Variants in MDM4 observed in about 807,000 individuals in gnomAD.
MDM4 encodes MDM4 regulator of p53.
In MDM4, 2 loss-of-function variants were observed where a neutral mutation model predicts 60.2. That is an observed-to-expected ratio of 0.03 (90% CI 0.01 to 0.10). The LOEUF (loss-of-function observed/expected upper bound fraction) is 0.10, where lower values mean the gene tolerates loss of function less well. Ranked by LOEUF, MDM4 falls within the 10% of genes least tolerant of loss-of-function variation. MDM4 has a pLI of 1.00. For missense variants in MDM4, 447 were observed against 577.5 expected (o/e 0.77, Z 2.32); for synonymous variants, 202 against 198.1 (o/e 1.02, Z -0.17).
chr1:204,533,980 C>T (rs1031780897), intron 5 of MDM4, among the ~76,000 whole-genome samples: 1 of 151,828 alleles, frequency 6.6e-6, no homozygotes, highest in Non-Finnish European at 1.5e-5. Context: ...GAAATGGGGT[C>T]TTGCTTTGTT....
intron 3 of MDM4, among the ~76,000 whole-genome samples, chr1:204,528,238 G>A (rs1660444276): frequency 6.6e-6 from 1 of 152,190 alleles, no homozygotes; most frequent in Non-Finnish European, 1.5e-5. Flanking sequence ...AGGCAAGTGA[G>A]GGATCCCAGC....
chr1:204,542,992 T>TTACCCTTTCA, intron 8 of MDM4, 48 bp downstream of exon 8: 1 of 1,490,522 alleles, frequency 6.7e-7, no homozygotes, highest in Non-Finnish European at 9.3e-7. Context: ...TTTGAAAGGG[T>TTACCCTTTCA]AACATTCTTG....
chr1:204,537,349 G>C, intron 5 of MDM4, 81 bp from the exon 6 acceptor site: 1 of 1,033,596 alleles, frequency 9.7e-7, no homozygotes, highest in Admixed American at 1.7e-5. Flanking sequence ...TGGCTCCCGG[G>C]TTGTTTGCTG....
At chr1:204,532,817 A>G (rs757480961) in intron 5 of MDM4, 4 of 1,611,500 alleles carry the variant, frequency 2.5e-6, no homozygotes, top group Non-Finnish European at 3.4e-6. Flanking sequence ...GAGTTGGCAG[A>G]TTGTATCCTT....
intron 1 of MDM4, among the ~76,000 whole-genome samples, chr1:204,521,173 T>A (rs534322810): frequency 8.7e-4 from 133 of 152,330 alleles, no homozygotes; most frequent in African/African-American, 3.0e-3. Flanking sequence ...TTTATATGTA[T>A]GCCTGGTACA....
rs1479394318 is a variant in MDM4 at position 204,549,149 on chromosome 1, T to C, written c.940T>C (p.Ser314Pro). 1.2e-6 allele frequency: 2 copies of C among 1,612,354 alleles called. No individual in the cohort carries two copies. Among genetic ancestry groups the C allele is most frequent in the Non-Finnish European group, 1.7e-6 (2 of 1,179,218 alleles). The change falls in exon 11 of 11, where the codon TCT (serine) becomes CCT (proline). Residue 314 changes from serine (S) to proline (P), a missense_variant. Transcript: ENST00000367182. ...GTGTACTGAATGCAAGAAATTTAACTCTCCAAGCAAGAGGTACTGTTTTCG... is the reference window on the plus strand; with the variant it reads ...GTGTACTGAATGCAAGAAATTTAACCCTCCAAGCAAGAGGTACTGTTTTCG... ...WQCTECKKFN[S>P]PSKRYCFRCW...
intron 10 of MDM4, 129 bp from the exon 11 acceptor site, chr1:204,548,984 C>T: frequency 1.6e-6 from 1 of 644,200 alleles, no homozygotes; most frequent in Non-Finnish European, 2.7e-6. Flanking sequence ...AGAATTTGCT[C>T]AAATCCTAGG....
In MDM4 at chr1:204,549,676, A is replaced by C; in HGVS notation, c.1467A>C (p.Ile489=). The change falls in exon 11 of 11, where the codon ATA becomes ATC. Residue 489 remains isoleucine (I), a synonymous_variant. Transcript: ENST00000367182. ...KEIQLVIKVF[I]A The stretch of plus-strand genomic sequence containing the variant: ...TTCAGCTGGTTATTAAGGTTTTTAT[A>C]GCATAATGGTAGTACGAACATAAAA... The C allele has an allele frequency of 6.6e-7, 1 of 1,526,556 alleles. No homozygotes were observed. The allele number at this position is 1,526,556 out of a possible 1,614,324, so 94.6% of individuals were successfully genotyped here. A position where few individuals can be genotyped will look rare whatever the true frequency, so the allele number is the denominator to read the frequency against.
At chr1:204,520,804 A>C (rs1659498570) in intron 1 of MDM4, among the ~76,000 whole-genome samples, 1 of 152,216 alleles carries the variant, frequency 6.6e-6, no homozygotes, top group Non-Finnish European at 1.5e-5. Flanking sequence ...TGAGCCCAGG[A>C]GGTCGAGGTG....
chr1:204,537,993 T>G (rs1005148219), intron 6 of MDM4: 5 of 746,242 alleles, frequency 6.7e-6, no homozygotes, highest in African/African-American at 1.7e-5. Context: ...TGTGCAGAGG[T>G]TTTTTTTCCC....
rs544449257 is a variant in MDM4, at chr1:204,554,511, T to C, written c.*4829T>C. 2.7e-5 allele frequency: 6 copies of C among 225,322 alleles called. No individual in the cohort carries two copies. The highest frequency in any genetic ancestry group is 1.8e-4 in the South Asian group (1 of 5,474). 14.0% of individuals were successfully genotyped at this position (225,322 alleles called of 1,614,324 possible). ...AGATGAACCGGTAAGCTGTCTCATG[T>C]ACCAAACGTGAAATTTACAGTGTTT... On this transcript the variant is annotated 3_prime_UTR_variant, in exon 11 of 11. Transcript: ENST00000367182.
chr1:204,538,374 T>C, intron 7 of MDM4, 66 bp downstream of exon 7: 1 of 857,634 alleles, frequency 1.2e-6, no homozygotes, highest in Non-Finnish European at 1.9e-6. Flanking sequence ...TTATTTTTAA[T>C]CTCTCCGTAT....
Position 204,529,571 on chromosome 1 carries a change from G to A in MDM4, c.154-1113G>A, listed in dbSNP as rs1046946189. 46 of 1,446,494 alleles carry A rather than the reference G, an allele frequency of 3.2e-5. 1 individual carries two copies. The African/African-American group carries it at 5.5e-4, about 17-fold the overall frequency. The allele number at this position is 1,446,494 out of a possible 1,614,324, so 89.6% of individuals were successfully genotyped here. Reference sequence around the variant, plus strand: ...CAGGACCCCCATAGCCACCACCAGGGGGTAGCACGCTGCCATACTGCCCTC... The same window carrying A: ...CAGGACCCCCATAGCCACCACCAGGAGGTAGCACGCTGCCATACTGCCCTC... On this transcript the variant is annotated intron_variant, in intron 3 of 10. Coordinates refer to ENST00000367182, the MANE Select transcript of MDM4 (RefSeq NM_002393.5).
chr1:204,520,096 T>C (rs985041817), intron 1 of MDM4, among the ~76,000 whole-genome samples: 1 of 151,694 alleles, frequency 6.6e-6, no homozygotes, highest in Non-Finnish European at 1.5e-5. Flanking sequence ...GCTAACATGG[T>C]GAAACCCCGT....
chr1:204,531,399 C>T lies in MDM4; in HGVS notation c.287+582C>T, dbSNP rs75641696. The stretch of plus-strand genomic sequence containing the variant: ...TGGTAAGAATCACAGTAGGGCTAAC[C>T]TGACCTGTTACTTTTCTCCAGCTGC... On this transcript the variant is annotated intron_variant, in intron 4 of 10. Transcript: ENST00000367182. Among the ~76,000 whole-genome samples the T allele has an allele frequency of 5.7e-3, 864 of 152,260 alleles. 5 individuals are homozygous for T. Among genetic ancestry groups the T allele is most frequent in the African/African-American group, 0.02 (817 of 41,550 alleles).
intron 1 of MDM4, among the ~76,000 whole-genome samples, chr1:204,519,110 G>T (rs1659291618): frequency 6.6e-6 from 1 of 152,214 alleles, no homozygotes; most frequent in African/African-American, 2.4e-5. Flanking sequence ...AGATCAGGGT[G>T]GCTGAGGCTC....
rs1348340537 is a variant in MDM4, at chr1:204,530,583, A to C, written c.154-101A>C. The C allele has an allele frequency of 5.4e-6, 8 of 1,472,536 alleles. No homozygotes were observed. The African/African-American group carries it at 1.1e-4, about 21-fold the overall frequency. 91.2% of individuals were successfully genotyped at this position (1,472,536 alleles called of 1,614,324 possible). On this transcript the variant is annotated intron_variant, in intron 3 of 10. Transcript: ENST00000367182. ...ACTTTGACAGTCTTGTAAATATGTTATTTCTTTCTTTAGCAAACTAACTTA... is the reference window on the plus strand; with the variant it reads ...ACTTTGACAGTCTTGTAAATATGTTCTTTCTTTCTTTAGCAAACTAACTTA...
Position 204,549,944 on chromosome 1 carries a change from A to T in MDM4, c.*262A>T. ...CCCAAAAGAAAAACTCTTGAAAACA[A>T]GAGATTTCTTCCATGCACATTTACA... On this transcript the variant is annotated 3_prime_UTR_variant, in exon 11 of 11. Coordinates refer to ENST00000367182, the MANE Select transcript of MDM4 (RefSeq NM_002393.5). 3.0e-6 allele frequency: 1 copy of T among 335,552 alleles called. No homozygotes were observed. Among genetic ancestry groups the T allele is most frequent in the Non-Finnish European group, 5.4e-6 (1 of 185,236 alleles). 20.8% of individuals were successfully genotyped at this position (335,552 alleles called of 1,614,324 possible). A position where few individuals can be genotyped will look rare whatever the true frequency, so the allele number is the denominator to read the frequency against.
At chr1:204,539,591 T>A (rs1661818731) in intron 7 of MDM4, among the ~76,000 whole-genome samples, 1 of 149,218 alleles carries the variant, frequency 6.7e-6, no homozygotes, top group African/African-American at 2.5e-5. Flanking sequence ...TGGAGTGCAG[T>A]GGCACAGTCT....
Sources: allele counts gnomAD v4.1 joint callset (sites outside exome capture counted in the v4.1 genomes callset), GRCh38; gene constraint gnomAD v4.1.1; transcripts MANE v1.5; gene names NCBI Gene and HGNC (gene_info 2026-07-23, HGNC 2026-07-21).